NOSTRIN: variants seen among roughly 807,000 people sequenced by gnomAD.
NOSTRIN encodes the protein nitric oxide synthase trafficking.
In NOSTRIN, 63 loss-of-function variants were observed where a neutral mutation model predicts 59.0. The ratio of observed to expected loss-of-function variants is 1.07; its 90% CI spans 0.87 to 1.32. The LOEUF is 1.32. Among genes scored for constraint, NOSTRIN ranks in the 40% most tolerant of loss-of-function variants. The probability of loss-of-function intolerance (pLI) is 0.00; values close to 1 mark genes in which losing one functional copy is unlikely to be tolerated. For missense variants in NOSTRIN, 512 were observed against 473.1 expected (o/e 1.08, Z -0.76); for synonymous variants, 200 against 165.4 (o/e 1.21, Z -1.61).
At chr2:168,862,919 T>C (rs376814691) in intron 15 of NOSTRIN, among the ~76,000 whole-genome samples, 15 of 152,336 alleles carry the variant, frequency 9.8e-5, no homozygotes, top group Admixed American at 5.9e-4. Context: ...ATACATTTTG[T>C]AGCCAAACGA....
chr2:168,818,189 TG>T, intron 2 of NOSTRIN: 1 of 369,106 alleles, frequency 2.7e-6, no homozygotes. Flanking sequence ...GTTCTCATTC[TG>T]CTGCTCAGGC....
At chr2:168,839,631 C>T (rs1056775656) in intron 7 of NOSTRIN, among the ~76,000 whole-genome samples, 3 of 151,958 alleles carry the variant, frequency 2.0e-5, no homozygotes, top group African/African-American at 4.8e-5. Context: ...CAGGAGTCTA[C>T]AGCCGGGCGC....
chr2:168,822,709 G>A (rs982478237), intron 2 of NOSTRIN, among the ~76,000 whole-genome samples: 2 of 152,170 alleles, frequency 1.3e-5, no homozygotes, highest in African/African-American at 4.8e-5. Context: ...CTGTAAATAG[G>A]ACATGGTAAA....
rs1319975228 is a variant in NOSTRIN, at chr2:168,818,661, T to C, written c.114-5973T>C. Among the ~76,000 whole-genome samples the C allele has an allele frequency of 2.0e-5, 3 of 152,210 alleles. No individual in the cohort carries two copies. The East Asian group carries it at 5.8e-4, about 29-fold the overall frequency. Reference sequence around the variant, plus strand: ...TTCCATCTCTCTTTTCTTTCAAAAATATAATTTATTTTAAAATCTAAGTCA... The same window carrying C: ...TTCCATCTCTCTTTTCTTTCAAAAACATAATTTATTTTAAAATCTAAGTCA... On this transcript the variant is annotated intron_variant, in intron 2 of 15. Coordinates refer to ENST00000317647, the MANE Select transcript of NOSTRIN (RefSeq NM_001039724.4).
chr2:168,829,922 G>C (rs1687274467), intron 5 of NOSTRIN, among the ~76,000 whole-genome samples: 2 of 152,152 alleles, frequency 1.3e-5, no homozygotes, highest in Non-Finnish European at 2.9e-5. Context: ...AGGTGTGAAA[G>C]TTCTGATGGA....
At chr2:168,813,199 C>T (rs1686239162) in intron 2 of NOSTRIN, among the ~76,000 whole-genome samples, 1 of 152,048 alleles carries the variant, frequency 6.6e-6, no homozygotes, top group Non-Finnish European at 1.5e-5. Context: ...AACTCATTAC[C>T]CAGATTAGAA....
intron 6 of NOSTRIN, among the ~76,000 whole-genome samples, chr2:168,832,555 G>A (rs536054609): frequency 6.6e-6 from 1 of 152,204 alleles, no homozygotes; most frequent in Non-Finnish European, 1.5e-5. Context: ...GGCAAACTTG[G>A]TGTTACTTCC....
At chr2:168,787,914 A>G (rs1323869196) in exon 2 of NOSTRIN, 4 of 152,128 alleles carry the variant, frequency 2.6e-5, no homozygotes, top group African/African-American at 7.2e-5. Context: ...ACAGCCAGAA[A>G]GTGGTGATGC....
chr2:168,859,672 T>C (rs757182084), intron 13 of NOSTRIN, 35 bp downstream of exon 13: 3 of 1,611,056 alleles, frequency 1.9e-6, no homozygotes, highest in Non-Finnish European at 2.5e-6. Context: ...AATTTCTTGA[T>C]TGGGCCTGCT....
At chr2:168,825,236 C>CT (rs1457046682) in intron 3 of NOSTRIN, among the ~76,000 whole-genome samples, 1 of 152,170 alleles carries the variant, frequency 6.6e-6, no homozygotes, top group African/African-American at 2.4e-5. Context: ...CTTGAGAGGT[C>CT]TTGTTATCCC....
chr2:168,815,451 T>A (rs1686345073), intron 2 of NOSTRIN, among the ~76,000 whole-genome samples: 1 of 152,202 alleles, frequency 6.6e-6, no homozygotes, highest in Non-Finnish European at 1.5e-5. Flanking sequence ...AGCTAATGTT[T>A]AAACAGGCTT....
At chr2:168,790,608 C>T (rs928134830) in intron 2 of NOSTRIN, among the ~76,000 whole-genome samples, 16 of 152,222 alleles carry the variant, frequency 1.1e-4, no homozygotes, top group African/African-American at 3.4e-4. Flanking sequence ...AACTGGTCAT[C>T]TTCAAGTCTG....
chr2:168,843,052 C>A lies in NOSTRIN; in HGVS notation c.565C>A (p.Gln189Lys), dbSNP rs201453794. ...KLEKEDENYY[Q>K]KNMAGYSTRL... ...GGAAAAGGAAGATGAAAATTACTACCAAAAAAACATGGCGGGTTATTCTAC... is the reference window on the plus strand; with the variant it reads ...GGAAAAGGAAGATGAAAATTACTACAAAAAAAACATGGCGGGTTATTCTAC... The change falls in exon 8 of 16, where the codon CAA becomes AAA. Residue 189 changes from glutamine to lysine, a missense_variant. Coordinates refer to ENST00000317647, the MANE Select transcript of NOSTRIN (RefSeq NM_001039724.4). The A allele has an allele frequency of 9.6e-5, 84 of 871,818 alleles. No homozygotes were observed. The African/African-American group carries it at 1.1e-3, about 11-fold the overall frequency. 54.0% of individuals were successfully genotyped at this position (871,818 alleles called of 1,614,324 possible).
intron 4 of NOSTRIN, 50 bp downstream of exon 4, chr2:168,828,270 T>C (rs1052514609): frequency 2.3e-6 from 2 of 872,568 alleles, no homozygotes; most frequent in South Asian, 2.6e-5. Flanking sequence ...GAATCAAATA[T>C]TTAAAGTGGG....
At chr2:168,828,017 G>C (rs1041318047) in intron 3 of NOSTRIN, 141 bp from the exon 4 acceptor site, 140 of 672,958 alleles carry the variant, frequency 2.1e-4, no homozygotes, top group Middle Eastern at 3.4e-4. Flanking sequence ...TAATCTCATA[G>C]AGAAATTGAA....
chr2:168,860,764 C>T (rs376270061), intron 13 of NOSTRIN, 31 bp from the exon 14 acceptor site: 1 of 1,334,816 alleles, frequency 7.5e-7, no homozygotes, highest in African/African-American at 1.4e-5. Context: ...AATCGTGTTA[C>T]AAAATATGAC....
At chr2:168,802,588 T>G, upstream of NOSTRIN, 1 of 854,380 alleles carries the variant, frequency 1.2e-6, no homozygotes. Context: ...CCAACCTTGA[T>G]TACAGTGTCC....
intron 10 of NOSTRIN, among the ~76,000 whole-genome samples, chr2:168,855,112 C>T (rs2105769935): frequency 6.6e-6 from 1 of 152,286 alleles, no homozygotes; most frequent in African/African-American, 2.4e-5. Context: ...GAACAATCTG[C>T]TCTATTAAAA....
intron 2 of NOSTRIN, among the ~76,000 whole-genome samples, chr2:168,790,778 G>T (rs1429169452): frequency 2.6e-5 from 4 of 152,142 alleles, no homozygotes; most frequent in African/African-American, 9.7e-5. Context: ...TAGTAGTGAT[G>T]AATCCATTTC....
Sources: allele counts gnomAD v4.1 joint callset (sites outside exome capture counted in the v4.1 genomes callset), GRCh38; gene constraint gnomAD v4.1.1; transcripts MANE v1.5; gene names NCBI Gene and HGNC (gene_info 2026-07-23, HGNC 2026-07-21).